The following ESRRG variants were observed in gnomAD, a reference collection of about 807,000 sequenced individuals.
ESRRG encodes estrogen-related receptor gamma.
Under a neutral mutation model 44.0 loss-of-function variants are expected in ESRRG, and 13 were observed. The observed-to-expected ratio is 0.30, with a 90% CI of 0.19 to 0.47. The LOEUF is 0.47. Among genes scored for constraint, ESRRG ranks in the 20% least tolerant of loss-of-function variants. The probability of loss-of-function intolerance (pLI) is 1.00; values close to 1 mark genes in which losing one functional copy is unlikely to be tolerated. For missense variants in ESRRG, 395 were observed against 580.6 expected, an observed-to-expected ratio of 0.68 and a Z score of 3.29; for synonymous variants, 215 against 214.6, an observed-to-expected ratio of 1.00 and a Z score of -0.02.
At chr1:216,836,438 A>T (rs2095566079) in intron 2 of ESRRG, among the ~76,000 whole-genome samples, 1 of 152,174 alleles carries the variant, frequency 6.6e-6, no homozygotes, top group South Asian at 2.1e-4. Flanking sequence ...ATTGAATTTA[A>T]CTGCACATCT....
At chr1:217,083,506 T>C (rs1475083247) in intron 1 of ESRRG, among the ~76,000 whole-genome samples, 1 of 152,148 alleles carries the variant, frequency 6.6e-6, no homozygotes, top group Non-Finnish European at 1.5e-5. Flanking sequence ...ACCCCTTCAT[T>C]TTAGAAATGA....
intron 2 of ESRRG, among the ~76,000 whole-genome samples, chr1:216,740,618 C>A: frequency 6.8e-6 from 1 of 148,094 alleles, no homozygotes. Flanking sequence ...TGCAAAGGAA[C>A]GTGCTTAACA....
intron 2 of ESRRG, among the ~76,000 whole-genome samples, chr1:216,655,908 G>C (rs1384070272): frequency 6.6e-6 from 1 of 151,936 alleles, no homozygotes; most frequent in Non-Finnish European, 1.5e-5. Context: ...AACCTTCCCT[G>C]GTGCTTTTTC....
Position 216,846,915 on chromosome 1 carries a change from T to G in ESRRG, c.-14+92667A>C, listed in dbSNP as rs114012060. Among the ~76,000 whole-genome samples, 390 of 151,790 alleles carry G rather than the reference T, an allele frequency of 2.6e-3. 3 individuals are homozygous for G. The highest frequency in any genetic ancestry group is 9.0e-3 in the African/African-American group (372 of 41,170). ...TTTATATATATAAAACTAATTCAGA[T>G]GCAGAAAGCAAGTTTCCAGGAGTAC... On this transcript the variant is annotated intron_variant, in intron 2 of 7. Coordinates refer to the ESRRG transcript ENST00000359162.
intron 1 of ESRRG, among the ~76,000 whole-genome samples, chr1:217,062,742 G>A (rs1465312166): frequency 6.6e-6 from 1 of 152,092 alleles, no homozygotes; most frequent in East Asian, 1.9e-4. Context: ...TGAAAACTAG[G>A]TACAAACGAA....
intron 5 of ESRRG, among the ~76,000 whole-genome samples, chr1:216,545,127 T>G (rs2054092896): frequency 6.6e-6 from 1 of 151,092 alleles, no homozygotes; most frequent in Admixed American, 6.6e-5. Context: ...CATAGCTTAC[T>G]CATCCTCCAG....
chr1:217,104,175 A>G (rs939191570), intron 1 of ESRRG, among the ~76,000 whole-genome samples: 4 of 152,192 alleles, frequency 2.6e-5, no homozygotes, highest in African/African-American at 9.7e-5. Context: ...AAAGAAGAAA[A>G]TGATCTAAGT....
At chr1:216,764,753 G>C (rs1266233286) in intron 2 of ESRRG, among the ~76,000 whole-genome samples, 1 of 152,138 alleles carries the variant, frequency 6.6e-6, no homozygotes, top group Non-Finnish European at 1.5e-5. Context: ...GCGAACAGAT[G>C]GCTCATTTAA....
intron 1 of ESRRG, among the ~76,000 whole-genome samples, chr1:216,680,516 A>G (rs889445520): frequency 2.0e-5 from 3 of 152,196 alleles, no homozygotes; most frequent in African/African-American, 4.8e-5. Context: ...CTCAGCAATT[A>G]TATCCACAGC....
At chr1:216,721,079 T>C (rs1012059908) in intron 1 of ESRRG, among the ~76,000 whole-genome samples, 16 of 152,264 alleles carry the variant, frequency 1.1e-4, no homozygotes, top group African/African-American at 3.9e-4. Context: ...ATTTATGCTA[T>C]CAGCTATTAC....
intron 2 of ESRRG, among the ~76,000 whole-genome samples, chr1:216,820,557 T>C (rs1234993379): frequency 6.6e-6 from 1 of 152,188 alleles, no homozygotes; most frequent in Non-Finnish European, 1.5e-5. Flanking sequence ...CTTTCGACTC[T>C]AGGCACTCAT....
At chr1:216,756,424 T>G (rs971128831) in intron 2 of ESRRG, among the ~76,000 whole-genome samples, 3 of 151,962 alleles carry the variant, frequency 2.0e-5, no homozygotes, top group Admixed American at 6.6e-5. Flanking sequence ...CAGGCATTCC[T>G]ACTCATTTTT....
At chr1:216,973,102 G>A (rs973463973) in intron 1 of ESRRG, among the ~76,000 whole-genome samples, 20 of 152,112 alleles carry the variant, frequency 1.3e-4, no homozygotes, top group Non-Finnish European at 2.9e-4. Context: ...GAGGCTCCCT[G>A]CTTCTGTCCT....
chr1:217,054,111 C>G (rs1282168366), intron 1 of ESRRG, among the ~76,000 whole-genome samples: 1 of 151,524 alleles, frequency 6.6e-6, no homozygotes, highest in African/African-American at 2.4e-5. Flanking sequence ...CATTGTACAT[C>G]AGGTGCTTAG....
chr1:216,700,651 A>C (rs1181290181), intron 1 of ESRRG, among the ~76,000 whole-genome samples: 1 of 152,202 alleles, frequency 6.6e-6, no homozygotes, highest in Non-Finnish European at 1.5e-5. Flanking sequence ...TATGCATTTC[A>C]AAAGATAGGA....
In ESRRG at chr1:216,623,244, G is replaced by A. The variant is rs554746447; in HGVS notation, c.589+27729C>T. Among the ~76,000 whole-genome samples the A allele has an allele frequency of 1.2e-4, 18 of 151,854 alleles. No individual in the cohort carries two copies. In the South Asian group the frequency reaches 1.9e-3, roughly 16 times the overall value. On this transcript the variant is annotated intron_variant, in intron 3 of 6. Transcript: ENST00000408911. ...ACTACAGGGGCCCACCACCACGCCC[G>A]GCTAATTTTTGTATTTTTAGTAGAG...
intron 2 of ESRRG, among the ~76,000 whole-genome samples, chr1:216,748,802 G>C (rs752122322): frequency 5.3e-5 from 8 of 152,094 alleles, no homozygotes; most frequent in Non-Finnish European, 1.0e-4. Flanking sequence ...GTTCACATCT[G>C]AGTGCAGTGG....
intron 3 of ESRRG, among the ~76,000 whole-genome samples, chr1:216,589,594 G>A (rs2057295678): frequency 6.6e-6 from 1 of 152,006 alleles, no homozygotes; most frequent in Admixed American, 6.6e-5. Flanking sequence ...GAAAATTGGT[G>A]ACTACTGTAC....
chr1:217,108,354 C>G, intron 1 of ESRRG, among the ~76,000 whole-genome samples: 1 of 152,154 alleles, frequency 6.6e-6, no homozygotes, highest in East Asian at 1.9e-4. Context: ...ATGGTATTTG[C>G]CACAATTCTG....
Sources: allele counts gnomAD v4.1 joint callset (sites outside exome capture counted in the v4.1 genomes callset), GRCh38; gene constraint gnomAD v4.1.1; transcripts MANE v1.5; gene names NCBI Gene and HGNC (gene_info 2026-07-23, HGNC 2026-07-21).